GRM5: variants seen among roughly 807,000 people sequenced by gnomAD.
The protein encoded by GRM5 is glutamate metabotropic receptor 5.
Under a neutral mutation model 83.1 loss-of-function variants are expected in GRM5, and 19 were observed. The observed-to-expected ratio is 0.23, with a 90% CI of 0.16 to 0.34. GRM5 has a LOEUF of 0.34. Ranked by LOEUF, GRM5 falls within the 10% of genes least tolerant of loss-of-function variation. GRM5 has a pLI of 1.00. For missense variants in GRM5, 1,160 were observed against 1,588.3 expected, an observed-to-expected ratio of 0.73 and a Z score of 4.58; for synonymous variants, 675 against 633.6, an observed-to-expected ratio of 1.07 and a Z score of -0.98.
chr11:88,871,115 A>G (rs1197154988), intron 2 of GRM5, among the ~76,000 whole-genome samples: 1 of 151,662 alleles, frequency 6.6e-6, no homozygotes, highest in Non-Finnish European at 1.5e-5. Flanking sequence ...GACATCTAAC[A>G]TTATTGAGAG....
intron 2 of GRM5, among the ~76,000 whole-genome samples, chr11:88,960,928 A>T (rs1404307788): frequency 6.6e-6 from 1 of 152,214 alleles, no homozygotes; most frequent in Non-Finnish European, 1.5e-5. Context: ...TTTAACAGAT[A>T]TTAGCACTCC....
intron 3 of GRM5, among the ~76,000 whole-genome samples, chr11:88,819,973 G>C (rs906913910): frequency 1.3e-5 from 2 of 152,090 alleles, no homozygotes; most frequent in African/African-American, 2.4e-5. Flanking sequence ...ATCTATTCAT[G>C]AGCTCAAAGC....
intron 2 of GRM5, among the ~76,000 whole-genome samples, chr11:88,900,662 GATC>G (rs996472114): frequency 6.6e-6 from 1 of 152,072 alleles, no homozygotes; most frequent in African/African-American, 2.4e-5. Flanking sequence ...AAATTTTAGA[GATC>G]ATCTACTGTA....
Position 88,511,141 on chromosome 11 carries a change from A to G in GRM5, c.2727-1637T>C, listed in dbSNP as rs1214286695. ...ACAAGCATTCTGTTCTTCTGCTCCC[A>G]AAGTAAATCTGAAGCACTTTGTTTC... On this transcript the variant is annotated intron_variant, in intron 9 of 9. Coordinates refer to ENST00000305447, the MANE Select transcript of GRM5 (RefSeq NM_001143831.3). 3.3e-5 allele frequency among the ~76,000 whole-genome samples: 5 copies of G among 152,214 alleles called. No homozygotes were observed. In the South Asian group the frequency reaches 6.2e-4, roughly 19 times the overall value.
chr11:88,915,936 TAAGTA>T (rs1945582911), intron 2 of GRM5, among the ~76,000 whole-genome samples: 1 of 152,092 alleles, frequency 6.6e-6, no homozygotes, highest in South Asian at 2.1e-4. Flanking sequence ...AGTTTTTACT[TAAGTA>T]AAGAAAACAA....
chr11:88,872,914 A>G (rs1478617155), intron 2 of GRM5, among the ~76,000 whole-genome samples: 7 of 145,190 alleles, frequency 4.8e-5, no homozygotes, highest in African/African-American at 1.8e-4. Context: ...ATAAAACAGA[A>G]AGGCTGAATG....
chr11:88,801,587 C>T (rs1943395228), intron 3 of GRM5, among the ~76,000 whole-genome samples: 1 of 152,022 alleles, frequency 6.6e-6, no homozygotes, highest in African/African-American at 2.4e-5. Context: ...AATTAAGGAA[C>T]AACTGAATCT....
At chr11:88,862,290 C>A (rs1944578718) in intron 2 of GRM5, among the ~76,000 whole-genome samples, 1 of 152,034 alleles carries the variant, frequency 6.6e-6, no homozygotes, top group African/African-American at 2.4e-5. Flanking sequence ...TTCTAAGAAA[C>A]CTTAGAGAGT....
At chr11:89,003,264 G>A (rs879348954) in intron 2 of GRM5, among the ~76,000 whole-genome samples, 2 of 151,990 alleles carry the variant, frequency 1.3e-5, no homozygotes. Context: ...TATTAAAACC[G>A]GACGGATAAC....
intron 3 of GRM5, among the ~76,000 whole-genome samples, chr11:88,812,018 A>G (rs1022846495): frequency 1.3e-5 from 2 of 152,176 alleles, no homozygotes; most frequent in African/African-American, 4.8e-5. Context: ...CTTTGGTGAT[A>G]TTGTTAATGT....
intron 2 of GRM5, among the ~76,000 whole-genome samples, chr11:88,875,973 G>T (rs1944846752): frequency 6.6e-6 from 1 of 152,022 alleles, no homozygotes; most frequent in East Asian, 1.9e-4. Flanking sequence ...AACAATAAAA[G>T]AACACTGGCT....
rs532294897 is a variant in GRM5, at chr11:88,915,242, T to C, written c.662-65087A>G. ...AAAGAAAACATCAATAAATATACTATGAAGTAGTACCCCAGAAATAAAGCT... is the reference window on the plus strand; with the variant it reads ...AAAGAAAACATCAATAAATATACTACGAAGTAGTACCCCAGAAATAAAGCT... On this transcript the variant is annotated intron_variant, in intron 2 of 9. Coordinates refer to ENST00000305447, the MANE Select transcript of GRM5 (RefSeq NM_001143831.3). Among the ~76,000 whole-genome samples the C allele has an allele frequency of 3.9e-5, 6 of 152,240 alleles. No individual in the cohort carries two copies. The East Asian group carries it at 1.2e-3, about 29-fold the overall frequency.
Position 88,504,952 on chromosome 11 carries a change from A to T in GRM5, c.*3640T>A, listed in dbSNP as rs139878419. 5.8e-4 allele frequency: 88 copies of T among 152,246 alleles called. No homozygotes were observed. Among genetic ancestry groups the T allele is most frequent in the African/African-American group, 2.1e-3 (86 of 41,564 alleles). The allele number at this position is 152,246 out of a possible 1,614,324, so 9.4% of individuals were successfully genotyped here. On this transcript the variant is annotated 3_prime_UTR_variant, in exon 10 of 10. Transcript: ENST00000305447. The stretch of plus-strand genomic sequence containing the variant: ...GCACCATCTTTCTAAAACATCTATA[A>T]TCTATATAGATTTCTAATTACAACA...
At chr11:88,646,431 C>T (rs1939450295) in intron 4 of GRM5, among the ~76,000 whole-genome samples, 1 of 151,740 alleles carries the variant, frequency 6.6e-6, no homozygotes, top group Non-Finnish European at 1.5e-5. Flanking sequence ...CAAATAATAC[C>T]AAGTAGTTAA....
intron 3 of GRM5, among the ~76,000 whole-genome samples, chr11:88,733,465 G>A (rs893589607): frequency 1.3e-5 from 2 of 151,960 alleles, no homozygotes; most frequent in Non-Finnish European, 2.9e-5. Flanking sequence ...TGGAACCCAC[G>A]TTCCGGACTC....
chr11:88,785,104 A>T (rs1565229595), intron 3 of GRM5, among the ~76,000 whole-genome samples: 10 of 152,030 alleles, frequency 6.6e-5, no homozygotes. Flanking sequence ...AAGTATTCCA[A>T]ATGTATTCTG....
chr11:88,601,266 C>T (rs771296149), intron 5 of GRM5, among the ~76,000 whole-genome samples: 2 of 152,028 alleles, frequency 1.3e-5, no homozygotes, highest in African/African-American at 4.8e-5. Flanking sequence ...ATCAAGAATC[C>T]GCATGCACAC....
intron 2 of GRM5, among the ~76,000 whole-genome samples, chr11:89,018,997 T>C (rs1319722330): frequency 6.6e-6 from 1 of 152,178 alleles, no homozygotes; most frequent in Non-Finnish European, 1.5e-5. Context: ...CCTTAGTGTC[T>C]TCCTAGTATC....
intron 2 of GRM5, among the ~76,000 whole-genome samples, chr11:88,888,104 T>G (rs376122325): frequency 2.6e-5 from 4 of 152,088 alleles, no homozygotes; most frequent in African/African-American, 7.2e-5. Context: ...AAATACATAA[T>G]TGAGGTGATG....
Sources: allele counts gnomAD v4.1 joint callset (sites outside exome capture counted in the v4.1 genomes callset), GRCh38; gene constraint gnomAD v4.1.1; transcripts MANE v1.5; gene names NCBI Gene and HGNC (gene_info 2026-07-23, HGNC 2026-07-21).